The following GNA14 variants were observed in gnomAD, a reference collection of about 807,000 sequenced individuals.
The protein encoded by GNA14 is G protein subunit alpha 14, also known as guanine nucleotide-binding protein subunit alpha-14.
GNA14 carries 50 observed loss-of-function variants against 42.0 expected under a neutral mutation model. The observed-to-expected ratio is 1.19, with a 90% CI of 0.95 to 1.51. The LOEUF (loss-of-function observed/expected upper bound fraction) is 1.51, where lower values mean the gene tolerates loss of function less well. Among genes scored for constraint, GNA14 ranks in the 40% most tolerant of loss-of-function variants. The pLI, the probability that GNA14 is intolerant of heterozygous loss-of-function variation, is 0.00. For missense variants in GNA14, 473 were observed against 446.2 expected (o/e 1.06, Z -0.54); for synonymous variants, 173 against 163.1 (o/e 1.06, Z -0.46).
intron 2 of GNA14, among the ~76,000 whole-genome samples, chr9:77,472,402 A>G (rs1723351653): frequency 6.6e-6 from 1 of 152,208 alleles, no homozygotes; most frequent in African/African-American, 2.4e-5. Flanking sequence ...TCCAAAAAGA[A>G]ATGTCCTGGA....
intron 1 of GNA14, among the ~76,000 whole-genome samples, chr9:77,535,346 C>T (rs1316148822): frequency 6.6e-6 from 1 of 152,158 alleles, no homozygotes; most frequent in Non-Finnish European, 1.5e-5. Flanking sequence ...AGATCAAGAC[C>T]ATCCTGGCTA....
At chr9:77,425,916 A>G (rs888415967) in intron 5 of GNA14, among the ~76,000 whole-genome samples, 3 of 151,934 alleles carry the variant, frequency 2.0e-5, no homozygotes, top group African/African-American at 4.8e-5. Flanking sequence ...CTTACTAACC[A>G]TCCCCTTCTG....
At chr9:77,644,662 T>C (rs1320341412) in intron 1 of GNA14, among the ~76,000 whole-genome samples, 1 of 151,428 alleles carries the variant, frequency 6.6e-6, no homozygotes, top group East Asian at 1.9e-4. Flanking sequence ...TATTTTGTTA[T>C]GGCAGCCCTA....
chr9:77,572,771 T>C lies in GNA14; in HGVS notation c.125-43518A>G, dbSNP rs553471885. Among the ~76,000 whole-genome samples, 4 of 152,302 alleles carry C rather than the reference T, an allele frequency of 2.6e-5. No individual in the cohort carries two copies. In the East Asian group the frequency reaches 7.7e-4, roughly 29 times the overall value. On this transcript the variant is annotated intron_variant, in intron 1 of 6. Transcript: ENST00000341700. Reference sequence around the variant, plus strand: ...TGGTGTCTGTGTGCCTCCTGGGGACTCTGTACATTTTTAAATCAGGTCAGG... The same window carrying C: ...TGGTGTCTGTGTGCCTCCTGGGGACCCTGTACATTTTTAAATCAGGTCAGG...
intron 2 of GNA14, among the ~76,000 whole-genome samples, chr9:77,518,838 T>C (rs1161857956): frequency 6.6e-6 from 1 of 152,338 alleles, no homozygotes. Flanking sequence ...TAATTACAGA[T>C]GCCATTTTTT....
chr9:77,508,923 TAGTG>T (rs1445255941), intron 2 of GNA14, among the ~76,000 whole-genome samples: 1 of 152,162 alleles, frequency 6.6e-6, no homozygotes, highest in East Asian at 1.9e-4. Context: ...AATAAGAACT[TAGTG>T]AGGGTATTTT....
chr9:77,431,023 TTTGTGTG>T (rs1197903931), intron 4 of GNA14, among the ~76,000 whole-genome samples: 6,696 of 111,556 alleles, frequency 0.06, 185 homozygotes, highest in African/African-American at 0.094. Flanking sequence ...GAAGTATACA[TTTGTGTG>T]TGTGTGTGTG....
chr9:77,431,965 GA>G (rs1378143214), intron 3 of GNA14, among the ~76,000 whole-genome samples: 1 of 152,106 alleles, frequency 6.6e-6, no homozygotes, highest in Non-Finnish European at 1.5e-5. Flanking sequence ...ACAGCAACAA[GA>G]ACAAGTTTTC....
At position 77,519,534 on chromosome 9, in the gene GNA14, T is replaced by TA. The variant is rs568716463; in HGVS notation, c.309+9534dup. 1.7e-3 allele frequency among the ~76,000 whole-genome samples: 253 copies of TA among 152,260 alleles called. 1 individual carries two copies. Among genetic ancestry groups the TA allele is most frequent in the Non-Finnish European group, 3.1e-3 (208 of 68,010 alleles). ...CCCCTTCCCTACCACCAATTTTTTT[T>TA]AAAAAAAGCTTTTAAACAAAGTTAA... On this transcript the variant is annotated intron_variant, in intron 2 of 6. Transcript: ENST00000341700.
intron 2 of GNA14, among the ~76,000 whole-genome samples, chr9:77,509,242 T>A (rs1837121388): frequency 6.6e-6 from 1 of 152,256 alleles, no homozygotes; most frequent in Non-Finnish European, 1.5e-5. Context: ...CTGAGCATAC[T>A]TTCAAAGTTC....
At chr9:77,489,818 A>C (rs1451961989) in intron 2 of GNA14, among the ~76,000 whole-genome samples, 2 of 152,168 alleles carry the variant, frequency 1.3e-5, no homozygotes, top group African/African-American at 4.8e-5. Flanking sequence ...ACAGCTCATA[A>C]AAGCAGCGTG....
chr9:77,438,191 G>A (rs748345314), intron 2 of GNA14, among the ~76,000 whole-genome samples: 2 of 152,186 alleles, frequency 1.3e-5, no homozygotes, highest in South Asian at 2.1e-4. Flanking sequence ...ACTTGAATTC[G>A]GAGCAGACTG....
intron 1 of GNA14, among the ~76,000 whole-genome samples, chr9:77,626,476 C>T (rs1722003354): frequency 6.6e-6 from 1 of 152,122 alleles, no homozygotes; most frequent in Non-Finnish European, 1.5e-5. Context: ...AAATTGACCG[C>T]ATCATTGGAA....
chr9:77,429,689 A>T (rs548032732), intron 4 of GNA14, among the ~76,000 whole-genome samples: 2 of 152,338 alleles, frequency 1.3e-5, no homozygotes, highest in South Asian at 2.1e-4. Flanking sequence ...AGTACAAAAC[A>T]TACATGGCAC....
chr9:77,482,060 A>G (rs1417637593), intron 2 of GNA14, among the ~76,000 whole-genome samples: 1 of 152,148 alleles, frequency 6.6e-6, no homozygotes, highest in Non-Finnish European at 1.5e-5. Context: ...TTTAAAGTTA[A>G]TACTGTTATG....
intron 1 of GNA14, among the ~76,000 whole-genome samples, chr9:77,628,786 T>C (rs1235026643): frequency 6.6e-6 from 1 of 152,058 alleles, no homozygotes; most frequent in Non-Finnish European, 1.5e-5. Context: ...ATAAAAACCC[T>C]AGAAGAAAAC....
intron 1 of GNA14, among the ~76,000 whole-genome samples, chr9:77,578,062 T>C (rs765445675): frequency 6.7e-6 from 1 of 149,764 alleles, no homozygotes; most frequent in Admixed American, 6.6e-5. Flanking sequence ...GGTCAAGAGA[T>C]CGAGACCATC....
chr9:77,539,914 TTTTG>T lies in GNA14; in HGVS notation c.125-10665_125-10662del, dbSNP rs550598252. 1.8e-3 allele frequency among the ~76,000 whole-genome samples: 273 copies of T among 152,306 alleles called. 1 individual carries two copies. Among genetic ancestry groups the T allele is most frequent in the African/African-American group, 3.4e-3 (143 of 41,592 alleles). On this transcript the variant is annotated intron_variant, in intron 1 of 6. Coordinates refer to ENST00000341700, the MANE Select transcript of GNA14 (RefSeq NM_004297.4). ...GTTAGTCTAGCTAGTGGTTTATCAATTTTGTTTATCTTTTCAAATAACCAACTTT... is the reference window on the plus strand; with the variant it reads ...GTTAGTCTAGCTAGTGGTTTATCAATTTTATCTTTTCAAATAACCAACTTT...
chr9:77,461,331 G>A (rs3780293), intron 2 of GNA14, among the ~76,000 whole-genome samples: 70,746 of 152,184 alleles, frequency 0.46, 21,532 homozygotes, highest in African/African-American at 0.87. Context: ...GCAAGATCCC[G>A]GGTAGTTCAT....
Sources: allele counts gnomAD v4.1 joint callset (sites outside exome capture counted in the v4.1 genomes callset), GRCh38; gene constraint gnomAD v4.1.1; transcripts MANE v1.5; gene names NCBI Gene and HGNC (gene_info 2026-07-23, HGNC 2026-07-21).